The following SCP2 variants were observed in gnomAD, a reference collection of about 807,000 sequenced individuals.
SCP2 encodes SCP-2/3-oxoacyl-CoA thiolase.
Under a neutral mutation model 71.4 loss-of-function variants are expected in SCP2, and 48 were observed. The ratio of observed to expected loss-of-function variants is 0.67; its 90% CI spans 0.53 to 0.86. The LOEUF is 0.86. Ranked by LOEUF, SCP2 falls within the 40% of genes least tolerant of loss-of-function variation. SCP2 has a pLI of 0.00. For missense variants in SCP2, 560 were observed against 655.6 expected (o/e 0.85, Z 1.59); for synonymous variants, 220 against 218.1 (o/e 1.01, Z -0.08).
At chr1:52,995,935 T>G (rs1248324487) in intron 11 of SCP2, 3 of 1,474,534 alleles carry the variant, frequency 2.0e-6, no homozygotes, top group Non-Finnish European at 2.7e-6. Context: ...GAGAGCAACA[T>G]GAACGACCTC....
chr1:53,015,014 C>A lies in SCP2; in HGVS notation c.1206C>A (p.Leu402=). 1.2e-6 allele frequency: 2 copies of A among 1,614,136 alleles called. No homozygotes were observed. Among genetic ancestry groups the A allele is most frequent in the South Asian group, 1.1e-5 (1 of 91,080 alleles). Reference sequence around the variant, plus strand: ...TTGGAGGAGCTGTGGTTGTAACACTCTACAAGATGGGTTTTCCGGAAGCCG... The same window carrying A: ...TTGGAGGAGCTGTGGTTGTAACACTATACAAGATGGGTTTTCCGGAAGCCG... ...LGIGGAVVVT[L]YKMGFPEAAS... is the part of the protein sequence containing the mutation. Residue 402 remains leucine, a synonymous_variant, in exon 12 of 16, where the codon CTC becomes CTA. Transcript: ENST00000371514.
intron 2 of SCP2, among the ~76,000 whole-genome samples, chr1:52,943,135 A>G (rs1256978612): frequency 1.3e-5 from 2 of 152,128 alleles, no homozygotes; most frequent in Non-Finnish European, 2.9e-5. Flanking sequence ...CTTTGACTCC[A>G]TGGAAAAAAA....
intron 1 of SCP2, among the ~76,000 whole-genome samples, chr1:52,927,872 C>G (rs1652636568): frequency 6.6e-6 from 1 of 152,166 alleles, no homozygotes; most frequent in Non-Finnish European, 1.5e-5. Context: ...CGAGGAGAAA[C>G]GCTCCTGATG....
At chr1:53,014,247 C>A (rs974112007) in intron 11 of SCP2, among the ~76,000 whole-genome samples, 1 of 152,048 alleles carries the variant, frequency 6.6e-6, no homozygotes, top group Non-Finnish European at 1.5e-5. Context: ...AATAGCTGGT[C>A]CGATAGAAAG....
chr1:53,050,364 C>T, intron 15 of SCP2: 1 of 448,598 alleles, frequency 2.2e-6, no homozygotes. Flanking sequence ...TGAAAACAGG[C>T]TCAATTTCTA....
Position 52,993,934 on chromosome 1 carries a change from G to A in SCP2, c.1081+5798G>A, listed in dbSNP as rs527480575. The A allele has an allele frequency of 6.6e-5, 90 of 1,361,506 alleles. No individual in the cohort carries two copies. In the African/African-American group the frequency reaches 7.0e-4, roughly 11 times the overall value. 84.3% of individuals were successfully genotyped at this position (1,361,506 alleles called of 1,614,324 possible). On this transcript the variant is annotated intron_variant, in intron 11 of 15. Coordinates refer to ENST00000371514, the MANE Select transcript of SCP2 (RefSeq NM_002979.5). ...CTTCAGCCCTATACTAGCTTTTATC[G>A]GTAGCCATCAATTGCAGTTTTAATA...
intron 15 of SCP2, chr1:53,049,986 T>G (rs1664098866): frequency 6.6e-6 from 1 of 152,326 alleles, no homozygotes; most frequent in South Asian, 2.1e-4. Flanking sequence ...CTGTTTCTCT[T>G]AAGTTTTCCT....
At position 53,050,716 on chromosome 1, in the gene SCP2, T is replaced by A. The variant is rs376238218; in HGVS notation, c.*12T>A. The A allele has an allele frequency of 1.7e-5, 26 of 1,565,970 alleles. No individual in the cohort carries two copies. The African/African-American group carries it at 3.1e-4, about 19-fold the overall frequency. On this transcript the variant is annotated 3_prime_UTR_variant, in exon 16 of 16. Coordinates refer to ENST00000371514, the MANE Select transcript of SCP2 (RefSeq NM_002979.5). ...ACGCTAAGCTCTGAAGAACTCCCTT[T>A]GGCTACTTTTGAAAATCAAGATGAG... is the stretch of plus-strand genomic sequence containing the variant.
At chr1:52,984,837 T>G (rs1265804013) in intron 10 of SCP2, among the ~76,000 whole-genome samples, 1 of 110,770 alleles carries the variant, frequency 9.0e-6, no homozygotes, top group Non-Finnish European at 1.7e-5. Flanking sequence ...ACACCCAGCT[T>G]TTCTTCTTTT....
At chr1:53,003,669 A>G (rs1660459723) in intron 11 of SCP2, among the ~76,000 whole-genome samples, 1 of 152,000 alleles carries the variant, frequency 6.6e-6, no homozygotes, top group Admixed American at 6.6e-5. Flanking sequence ...ACAGGTGCAC[A>G]CCATCATGCC....
intron 11 of SCP2, chr1:52,994,386 T>A (rs1659776518): frequency 1.6e-6 from 1 of 609,594 alleles, no homozygotes; most frequent in East Asian, 1.4e-4. Context: ...AACTTTTTTC[T>A]CTTCTGAAAT....
chr1:52,938,206 AG>A (rs756357696), intron 1 of SCP2, among the ~76,000 whole-genome samples: 21 of 152,348 alleles, frequency 1.4e-4, no homozygotes, highest in Admixed American at 4.6e-4. Context: ...GTAGTGACTG[AG>A]GCTCAGGAGA....
In SCP2 at chr1:52,946,596, A is replaced by G. The variant is rs551877339; in HGVS notation, c.128-1413A>G. ...TTCTTCTCAACATAGTCTCATAAAC[A>G]TTATTATAAGACATTTGTTTTTTGT... On this transcript the variant is annotated intron_variant, in intron 2 of 15. Coordinates refer to ENST00000371514, the MANE Select transcript of SCP2 (RefSeq NM_002979.5). Among the ~76,000 whole-genome samples, 3 of 152,302 alleles carry G rather than the reference A, an allele frequency of 2.0e-5. No homozygotes were observed. The East Asian group carries it at 5.8e-4, about 29-fold the overall frequency.
At chr1:52,954,848 C>A in intron 5 of SCP2, 44 bp downstream of exon 5, 1 of 1,421,920 alleles carries the variant, frequency 7.0e-7, no homozygotes, top group Non-Finnish European at 1.0e-6. Flanking sequence ...CTAATATAAC[C>A]CAAAAGTTGA....
chr1:53,031,429 A>G (rs1415807927), intron 13 of SCP2, among the ~76,000 whole-genome samples: 1 of 152,182 alleles, frequency 6.6e-6, no homozygotes, highest in Non-Finnish European at 1.5e-5. Flanking sequence ...TTGTCAATTC[A>G]TGCATTTTCT....
At chr1:52,947,975 A>G in intron 2 of SCP2, 34 bp from the exon 3 acceptor site, 1 of 1,475,180 alleles carries the variant, frequency 6.8e-7, no homozygotes, top group Non-Finnish European at 9.5e-7. Context: ...AAATACTTAA[A>G]GCACTTTTTG....
chr1:53,038,090 G>A (rs1307591762), intron 13 of SCP2, among the ~76,000 whole-genome samples: 1 of 151,658 alleles, frequency 6.6e-6, no homozygotes, highest in East Asian at 1.9e-4. Flanking sequence ...ACCCTGCAGT[G>A]AGCCCTGATT....
intron 4 of SCP2, among the ~76,000 whole-genome samples, chr1:52,951,139 G>A (rs1557553549): frequency 6.6e-6 from 1 of 151,870 alleles, no homozygotes; most frequent in Admixed American, 6.6e-5. Flanking sequence ...AAAATTAGCC[G>A]GGTATGGTGG....
intron 2 of SCP2, chr1:52,943,523 A>G (rs1654478638): frequency 4.2e-6 from 1 of 238,162 alleles, no homozygotes. Flanking sequence ...CACCCCGCCC[A>G]TAGTGGGTTC....
Sources: allele counts gnomAD v4.1 joint callset (sites outside exome capture counted in the v4.1 genomes callset), GRCh38; gene constraint gnomAD v4.1.1; transcripts MANE v1.5; gene names NCBI Gene and HGNC (gene_info 2026-07-23, HGNC 2026-07-21).